The following DIP2C variants were observed in gnomAD, a reference collection of about 807,000 sequenced individuals.
The protein encoded by DIP2C is DIP2 acetate--CoA ligase C (putative).
A neutral mutation model predicts 192.4 loss-of-function variants in DIP2C; 33 were observed. The observed-to-expected ratio is 0.17, with a 90% CI of 0.13 to 0.23. DIP2C has a LOEUF of 0.23. Among genes scored for constraint, DIP2C ranks in the 10% least tolerant of loss-of-function variants. The pLI is 1.00. For missense variants in DIP2C, 1,537 were observed against 2,110.1 expected (o/e 0.73, Z 5.32); for synonymous variants, 979 against 864.1 (o/e 1.13, Z -2.33).
chr10:426,482 T>G (rs1966606575), intron 4 of DIP2C, among the ~76,000 whole-genome samples: 1 of 152,216 alleles, frequency 6.6e-6, no homozygotes, highest in Non-Finnish European at 1.5e-5. Flanking sequence ...GAAGGCTTTG[T>G]GTGTGTGAAA....
intron 29 of DIP2C, among the ~76,000 whole-genome samples, chr10:335,251 T>C (rs1461896880): frequency 6.6e-6 from 1 of 152,228 alleles, no homozygotes; most frequent in Non-Finnish European, 1.5e-5. Flanking sequence ...TTATAGAAAA[T>C]GTACAAGTAC....
chr10:653,011 A>C (rs1856044113), intron 1 of DIP2C, among the ~76,000 whole-genome samples: 1 of 151,992 alleles, frequency 6.6e-6, no homozygotes, highest in Admixed American at 6.5e-5. Context: ...TCACAGCTCC[A>C]CATTGTCCAA....
intron 1 of DIP2C, among the ~76,000 whole-genome samples, chr10:634,195 C>G (rs1327932711): frequency 6.6e-6 from 1 of 152,224 alleles, no homozygotes; most frequent in Non-Finnish European, 1.5e-5. Flanking sequence ...ACCTGGGGCT[C>G]AGCGTCAACG....
At chr10:304,656 G>A (rs1230433490) in intron 32 of DIP2C, among the ~76,000 whole-genome samples, 1 of 151,348 alleles carries the variant, frequency 6.6e-6, no homozygotes, top group South Asian at 2.1e-4. Context: ...GTGTGCATGT[G>A]CACATGCAAC....
intron 1 of DIP2C, among the ~76,000 whole-genome samples, chr10:634,101 C>T (rs536539716): frequency 1.3e-5 from 2 of 152,284 alleles, no homozygotes; most frequent in South Asian, 2.1e-4. Context: ...CTAGTGATCC[C>T]GCATTATGAA....
rs113159724 is a variant in DIP2C at position 494,030 on chromosome 10, C to T, written c.86-7500G>A. Among the ~76,000 whole-genome samples, 1,203 of 152,284 alleles carry T rather than the reference C, an allele frequency of 7.9e-3. 14 individuals carry two copies. Among genetic ancestry groups the T allele is most frequent in the African/African-American group, 0.027 (1,137 of 41,566 alleles). On this transcript the variant is annotated intron_variant, in intron 1 of 36. Coordinates refer to ENST00000280886, the MANE Select transcript of DIP2C (RefSeq NM_014974.3). ...GGACAACTGGAATAAACAAAATCCACGTCACTTCCAGGATCTGAAAAGTCA... is the reference window on the plus strand; with the variant it reads ...GGACAACTGGAATAAACAAAATCCATGTCACTTCCAGGATCTGAAAAGTCA...
chr10:338,876 C>T (rs1405305950), intron 29 of DIP2C, among the ~76,000 whole-genome samples: 14 of 83,414 alleles, frequency 1.7e-4, no homozygotes, highest in African/African-American at 4.1e-4. Context: ...GCCCACCCCA[C>T]CTGCACCCTG....
chr10:657,922 T>TGGACCTGC (rs1856486473), intron 1 of DIP2C, among the ~76,000 whole-genome samples: 2 of 59,252 alleles, frequency 3.4e-5, no homozygotes, highest in African/African-American at 1.4e-4. Flanking sequence ...ACTGGACCTG[T>TGGACCTGC]CCCTGGACCT....
At position 363,699 on chromosome 10, in the gene DIP2C, C is replaced by T. The variant is rs57710462; in HGVS notation, c.2478-388G>A. On this transcript the variant is annotated intron_variant, in intron 20 of 36. Transcript: ENST00000280886. This position sits in a 1 kb window ranked among gnomAD's most constrained non-coding sequence, Gnocchi z 5.4. Reference sequence around the variant, plus strand: ...GGTCTCCAAATCAGTAGAAATTTGCCGTTTCAGAACTAGTGATTTTCTGCT... The same window carrying T: ...GGTCTCCAAATCAGTAGAAATTTGCTGTTTCAGAACTAGTGATTTTCTGCT... 3.5e-4 allele frequency among the ~76,000 whole-genome samples: 54 copies of T among 152,264 alleles called. No homozygotes were observed. Among genetic ancestry groups the T allele is most frequent in the East Asian group, 1.3e-3 (7 of 5,188 alleles).
chr10:556,632 A>T (rs1848889303), intron 1 of DIP2C, among the ~76,000 whole-genome samples: 1 of 151,614 alleles, frequency 6.6e-6, no homozygotes, highest in South Asian at 2.1e-4. Flanking sequence ...TTCCCTCCAC[A>T]ATGTTGCCAC....
intron 1 of DIP2C, among the ~76,000 whole-genome samples, chr10:633,382 C>T (rs1016457273): frequency 2.6e-5 from 4 of 152,074 alleles, no homozygotes; most frequent in Admixed American, 6.5e-5. Context: ...GGGGGGAGTC[C>T]GAGGCGGTGC....
chr10:529,246 T>G (rs1400593704), intron 1 of DIP2C, among the ~76,000 whole-genome samples: 1 of 152,164 alleles, frequency 6.6e-6, no homozygotes, highest in Non-Finnish European at 1.5e-5. Context: ...ACTTATGGAC[T>G]GGGTATTCAC....
At chr10:656,133 CACTAT>C (rs549765230) in intron 1 of DIP2C, among the ~76,000 whole-genome samples, 16 of 2,736 alleles carry the variant, frequency 5.8e-3, no homozygotes, top group Admixed American at 0.017. Flanking sequence ...TCCTATTGTA[CACTAT>C]ACTATAAGTT....
chr10:281,097 C>A, intron 36 of DIP2C, 103 bp downstream of exon 36: 2 of 1,511,914 alleles, frequency 1.3e-6, no homozygotes. Flanking sequence ...CACCCCCTTC[C>A]CTACCTTAAC....
chr10:458,327 A>C (rs1358665981), intron 3 of DIP2C, among the ~76,000 whole-genome samples: 1 of 152,256 alleles, frequency 6.6e-6, no homozygotes, highest in Non-Finnish European at 1.5e-5. Flanking sequence ...ACCTCATCAA[A>C]ATCAGTAAAT....
chr10:376,289 C>T (rs1203602409), intron 17 of DIP2C, among the ~76,000 whole-genome samples: 1 of 141,372 alleles, frequency 7.1e-6, no homozygotes, highest in Non-Finnish European at 1.5e-5. Flanking sequence ...CCAGGCCCAC[C>T]TCGGCCCCCG....
At chr10:283,242 T>TGG in intron 35 of DIP2C, 30 bp downstream of exon 35, 1 of 1,575,680 alleles carries the variant, frequency 6.3e-7, no homozygotes, top group African/African-American at 1.4e-5. Context: ...GCCCATCTGT[T>TGG]GGGGGGGGGC....
intron 1 of DIP2C, among the ~76,000 whole-genome samples, chr10:590,013 G>A (rs1265414888): frequency 6.6e-6 from 1 of 152,254 alleles, no homozygotes. Context: ...ACCTTTCACA[G>A]TATAGTTCAA....
chr10:502,560 ACTCAAGT>A, intron 1 of DIP2C, among the ~76,000 whole-genome samples: 1 of 152,102 alleles, frequency 6.6e-6, no homozygotes, highest in East Asian at 1.9e-4. Context: ...AAAGGAGGAA[ACTCAAGT>A]CACACCAAAA....
Sources: allele counts gnomAD v4.1 joint callset (sites outside exome capture counted in the v4.1 genomes callset), GRCh38; gene constraint gnomAD v4.1.1; non-coding constraint Gnocchi (gnomAD v3.1); transcripts MANE v1.5; gene names NCBI Gene and HGNC (gene_info 2026-07-23, HGNC 2026-07-21).